TPRG1: variants seen among roughly 807,000 people sequenced by gnomAD.
TPRG1 encodes tumor protein p63 regulated 1.
In TPRG1, 29 loss-of-function variants were observed where a neutral mutation model predicts 29.3. That is an observed-to-expected ratio of 0.99 (90% confidence interval 0.74 to 1.35). TPRG1 has a LOEUF of 1.35. Ranked by LOEUF, TPRG1 falls within the 40% of genes most tolerant of loss-of-function variation. TPRG1 has a pLI of 0.00. For synonymous variants in TPRG1, 130 were observed against 116.8 expected, an observed-to-expected ratio of 1.11 and a Z score of -0.73; for missense variants, 327 against 335.0, an observed-to-expected ratio of 0.98 and a Z score of 0.19.
intron 4 of TPRG1, among the ~76,000 whole-genome samples, chr3:189,281,170 C>T (rs551949380): frequency 7.2e-5 from 11 of 152,154 alleles, no homozygotes; most frequent in African/African-American, 2.2e-4. Flanking sequence ...AGGAAGCTAA[C>T]GAATAGAGAG....
chr3:189,019,322 G>GA (rs1357267577), intron 3 of TPRG1, among the ~76,000 whole-genome samples: 1 of 152,124 alleles, frequency 6.6e-6, no homozygotes, highest in African/African-American at 2.4e-5. Flanking sequence ...TTTTCAAAGG[G>GA]AATGCTTCCA....
intron 4 of TPRG1, among the ~76,000 whole-genome samples, chr3:189,078,076 T>C (rs1178345573): frequency 4.9e-5 from 4 of 82,360 alleles, no homozygotes; most frequent in African/African-American, 1.6e-4. Flanking sequence ...CTCCTTTCTC[T>C]CTTTCTCTCT....
intron 4 of TPRG1, among the ~76,000 whole-genome samples, chr3:189,262,731 A>T (rs1713345427): frequency 6.6e-6 from 1 of 152,234 alleles, no homozygotes; most frequent in Admixed American, 6.5e-5. Context: ...GGGGTCAGGA[A>T]TATGGATATG....
At chr3:189,003,186 G>A (rs1280925960) in intron 2 of TPRG1, among the ~76,000 whole-genome samples, 4 of 152,156 alleles carry the variant, frequency 2.6e-5, no homozygotes, top group South Asian at 2.1e-4. Flanking sequence ...CACATTCCAC[G>A]CGCTAGTGTT....
At chr3:189,018,610 A>C (rs1713095464) in intron 3 of TPRG1, among the ~76,000 whole-genome samples, 1 of 146,906 alleles carries the variant, frequency 6.8e-6, no homozygotes, top group African/African-American at 2.5e-5. Flanking sequence ...TGGTACCAGT[A>C]CCATGCTGTT....
chr3:189,165,015 C>T lies in TPRG1; in HGVS notation c.-10+14143C>T, dbSNP rs557822881. ...CTGGGCCTTTGTACAATGTAGCTAGCTCCAGCCCCCATCTCTGTGCATTTT... is the reference window on the plus strand; with the variant it reads ...CTGGGCCTTTGTACAATGTAGCTAGTTCCAGCCCCCATCTCTGTGCATTTT... On this transcript the variant is annotated intron_variant, in intron 5 of 6. Transcript: ENST00000412373. 5.3e-5 allele frequency among the ~76,000 whole-genome samples: 8 copies of T among 152,272 alleles called. No homozygotes were observed. The South Asian group carries it at 1.7e-3, about 32-fold the overall frequency.
At chr3:189,026,078 C>T (rs893672256) in intron 4 of TPRG1, among the ~76,000 whole-genome samples, 30 of 152,282 alleles carry the variant, frequency 2.0e-4, no homozygotes, top group African/African-American at 6.3e-4. Context: ...TTAGTTAGCT[C>T]GAGCTGCCAC....
At chr3:189,307,381 T>A (rs1721801316) in intron 4 of TPRG1, among the ~76,000 whole-genome samples, 1 of 152,200 alleles carries the variant, frequency 6.6e-6, no homozygotes, top group Non-Finnish European at 1.5e-5. Flanking sequence ...CTCCTTCACA[T>A]CCAGTGCTTC....
intron 4 of TPRG1, among the ~76,000 whole-genome samples, chr3:189,281,266 C>T (rs1717076125): frequency 6.6e-6 from 1 of 152,128 alleles, no homozygotes; most frequent in Non-Finnish European, 1.5e-5. Context: ...CTATGTGCTC[C>T]TAACCACTGA....
At position 189,292,530 on chromosome 3, in the gene TPRG1, G is replaced by C. The variant is rs79141237; in HGVS notation, c.480-17856G>C. 3.8e-3 allele frequency among the ~76,000 whole-genome samples: 581 copies of C among 152,122 alleles called. 4 individuals carry two copies. Among genetic ancestry groups the C allele is most frequent in the African/African-American group, 0.013 (555 of 41,494 alleles). On this transcript the variant is annotated intron_variant, in intron 4 of 5. Transcript: ENST00000345063. ...TAACACACAGCTAATAGGGCTGTGG[G>C]GAGATTAACAGAAATAACAGAAGGA...
intron 5 of TPRG1, chr3:189,315,610 T>C (rs879882592): frequency 4.1e-5 from 16 of 394,646 alleles, no homozygotes; most frequent in Admixed American, 9.4e-5. Context: ...TTTGTACTCT[T>C]TTCTTGTATT....
At chr3:189,113,772 G>T (rs923763686) in intron 1 of TPRG1, among the ~76,000 whole-genome samples, 1 of 151,484 alleles carries the variant, frequency 6.6e-6, no homozygotes. Context: ...CTGTTGTGGG[G>T]TGGGGGGACG....
intron 4 of TPRG1, among the ~76,000 whole-genome samples, chr3:189,240,964 G>C (rs925509205): frequency 9.2e-5 from 14 of 152,246 alleles, no homozygotes; most frequent in Middle Eastern, 3.4e-3. Flanking sequence ...TAATAGTGCA[G>C]AATATTACCT....
chr3:189,224,324 T>C (rs1044348602), intron 3 of TPRG1, among the ~76,000 whole-genome samples: 1 of 151,758 alleles, frequency 6.6e-6, no homozygotes, highest in African/African-American at 2.4e-5. Flanking sequence ...CTACTGAAAA[T>C]ACAAAAACTA....
At chr3:189,284,563 C>T (rs1717731946) in intron 4 of TPRG1, among the ~76,000 whole-genome samples, 1 of 152,008 alleles carries the variant, frequency 6.6e-6, no homozygotes, top group Non-Finnish European at 1.5e-5. Flanking sequence ...TATAGTATTC[C>T]ATGGTGTATA....
intron 4 of TPRG1, among the ~76,000 whole-genome samples, chr3:189,265,401 G>A (rs568375491): frequency 7.9e-5 from 12 of 152,182 alleles, no homozygotes; most frequent in East Asian, 5.8e-4. Context: ...CTACCTTTCC[G>A]CTTCTACATG....
intron 1 of TPRG1, among the ~76,000 whole-genome samples, chr3:189,180,880 G>A (rs1223629399): frequency 6.6e-6 from 1 of 152,188 alleles, no homozygotes; most frequent in Non-Finnish European, 1.5e-5. Context: ...CTCCATGAGA[G>A]CCTCACCCCT....
chr3:189,151,606 C>G (rs553133415), intron 5 of TPRG1, among the ~76,000 whole-genome samples: 1 of 152,240 alleles, frequency 6.6e-6, no homozygotes, highest in East Asian at 1.9e-4. Context: ...CCTGGCCAGG[C>G]GTGGTGGCTC....
At chr3:189,070,517 T>C (rs11709263) in intron 4 of TPRG1, among the ~76,000 whole-genome samples, 2,566 of 152,348 alleles carry the variant, frequency 0.017, 32 homozygotes, top group Non-Finnish European at 0.025. Context: ...TATGATAGTA[T>C]AGTTTTGCAA....
Sources: allele counts gnomAD v4.1 joint callset (sites outside exome capture counted in the v4.1 genomes callset), GRCh38; gene constraint gnomAD v4.1.1; transcripts MANE v1.5; gene names NCBI Gene and HGNC (gene_info 2026-07-23, HGNC 2026-07-21).